Variants in POLR3GL observed in about 807,000 individuals in gnomAD.
POLR3GL encodes the protein DNA-directed RNA polymerase III subunit RPC7-like.
In POLR3GL, 26 loss-of-function variants were observed where a neutral mutation model predicts 32.4. That is an observed-to-expected ratio of 0.80 (90% CI 0.59 to 1.11). POLR3GL has a LOEUF of 1.11. POLR3GL is among the 50% of genes most tolerant of loss of function. The pLI, the probability that POLR3GL is intolerant of heterozygous loss-of-function variation, is 0.00. For synonymous variants in POLR3GL, 95 were observed against 98.7 expected (o/e 0.96, Z 0.22); for missense variants, 229 against 280.1 (o/e 0.82, Z 1.30).
intron 3 of POLR3GL, 104 bp downstream of exon 3, chr1:145,975,540 C>A: frequency 7.6e-7 from 1 of 1,308,554 alleles, no homozygotes; most frequent in Non-Finnish European, 1.1e-6. Flanking sequence ...TACTATCTAA[C>A]TGGGGAGATC....
At chr1:145,965,647 C>G (rs1021843675) in intron 1 of POLR3GL, among the ~76,000 whole-genome samples, 7 of 152,304 alleles carry the variant, frequency 4.6e-5, no homozygotes, top group Middle Eastern at 3.4e-3. Context: ...CTTACAAACC[C>G]TATGTAGTAA....
In POLR3GL at chr1:145,977,454, A is replaced by G. The variant is rs373915557; in HGVS notation, c.326-29A>G. The G allele has an allele frequency of 8.5e-5, 136 of 1,608,766 alleles. No homozygotes were observed. The African/African-American group carries it at 9.7e-4, about 12-fold the overall frequency. ...CACTGGAGACCCCAGGCAGGGTCCT[A>G]TTGACATTTACGTTCCCACTATTCC... On this transcript the variant is annotated intron_variant, in intron 4 of 7. Transcript: ENST00000369314.
chr1:145,965,274 C>T (rs1267984263), intron 1 of POLR3GL, among the ~76,000 whole-genome samples: 1 of 152,174 alleles, frequency 6.6e-6, no homozygotes, highest in Non-Finnish European at 1.5e-5. Flanking sequence ...GCCCAATAAA[C>T]GTTAGTTAAA....
At chr1:145,975,244 G>A (rs1000348265) in intron 2 of POLR3GL, 63 bp from the exon 3 acceptor site, 9 of 1,579,612 alleles carry the variant, frequency 5.7e-6, no homozygotes, top group African/African-American at 1.3e-5. Context: ...TTGGGAGGAG[G>A]GGTCTTCCTA....
chr1:145,976,048 G>A (rs1264181939), intron 3 of POLR3GL, among the ~76,000 whole-genome samples: 1 of 152,142 alleles, frequency 6.6e-6, no homozygotes, highest in Non-Finnish European at 1.5e-5. Context: ...GCTGACATGG[G>A]TGGATCACTT....
chr1:145,968,042 TC>T (rs1328628864), intron 1 of POLR3GL, among the ~76,000 whole-genome samples: 6 of 152,230 alleles, frequency 3.9e-5, no homozygotes, highest in Admixed American at 3.9e-4. Context: ...TTAGTGTTTT[TC>T]TGTATGTTTA....
chr1:145,978,079 G>A lies in POLR3GL; in HGVS notation c.553G>A (p.Glu185Lys). 6.2e-7 allele frequency: 1 copy of A among 1,601,680 alleles called. No homozygotes were observed. Among genetic ancestry groups the A allele is most frequent in the East Asian group, 2.2e-5 (1 of 44,674 alleles). ...KEEEEEEEYD[E>K]EEHEEETDYI... ...AGAGGAGGAAGAAGAAGAGTATGAT[G>A]AAGAAGAACATGAAGAGGTGAAGGG... Residue 185 changes from glutamate (E) to lysine (K), a missense_variant, in exon 7 of 8, where the codon GAA becomes AAA. Glu to Lys is a moderately conservative substitution (Grantham distance 56). Coordinates refer to ENST00000369314, the MANE Select transcript of POLR3GL (RefSeq NM_032305.3).
intron 3 of POLR3GL, among the ~76,000 whole-genome samples, chr1:145,975,971 A>AG (rs1650532062): frequency 7.9e-6 from 1 of 127,052 alleles, no homozygotes; most frequent in East Asian, 2.0e-4. Context: ...ACTAAGGGAC[A>AG]GAAAAAAAAA....
intron 3 of POLR3GL, 50 bp downstream of exon 3, chr1:145,975,486 C>T: frequency 1.3e-6 from 2 of 1,596,190 alleles, no homozygotes; most frequent in Non-Finnish European, 1.7e-6. Flanking sequence ...ATGGGGAGTG[C>T]CCTGTGCTCA....
rs782249867 is a variant in POLR3GL at position 145,974,976 on chromosome 1, T to TTCTCCACTCTTCCCTGTGAGTC, written c.121_126+16dup. 2.0e-6 allele frequency: 3 copies of TTCTCCACTCTTCCCTGTGAGTC among 1,516,572 alleles called. No homozygotes were observed. The highest frequency in any genetic ancestry group is 1.8e-6 in the Non-Finnish European group (2 of 1,136,664). The allele number at this position is 1,516,572 out of a possible 1,614,324, so 93.9% of individuals were successfully genotyped here. A position where few individuals can be genotyped will look rare whatever the true frequency, so the allele number is the denominator to read the frequency against. On this transcript the variant is annotated frameshift_variant, in exon 2 of 8. Coordinates refer to ENST00000369314, the MANE Select transcript of POLR3GL (RefSeq NM_032305.3). LOFTEE classifies it high-confidence loss of function. Reference sequence around the variant, plus strand: ...CTTTGCCCCCACCCACCCTGCAGCCTTCTCCACTCTTCCCTGTGAGTCTCT... The same window carrying TTCTCCACTCTTCCCTGTGAGTC: ...CTTTGCCCCCACCCACCCTGCAGCCTTCTCCACTCTTCCCTGTGAGTCTCTCCACTCTTCCCTGTGAGTCTCT...
rs1650486036 is a variant in POLR3GL, at chr1:145,975,007, C to T, written c.126+16C>T. 6.6e-7 allele frequency: 1 copy of T among 1,508,324 alleles called. No individual in the cohort carries two copies. The highest frequency in any genetic ancestry group is 1.4e-5 in the African/African-American group (1 of 70,824). 93.4% of individuals were successfully genotyped at this position (1,508,324 alleles called of 1,614,324 possible). A position where few individuals can be genotyped will look rare whatever the true frequency, so the allele number is the denominator to read the frequency against. On this transcript the variant is annotated intron_variant, in intron 2 of 7. Transcript: ENST00000369314. Reference sequence around the variant, plus strand: ...ACTCTTCCCTGTGAGTCTCTCCACTCCCTTCCCAGACTCTCATGTGCCCCT... The same window carrying T: ...ACTCTTCCCTGTGAGTCTCTCCACTTCCTTCCCAGACTCTCATGTGCCCCT...
intron 2 of POLR3GL, 76 bp downstream of exon 2, chr1:145,975,067 C>G: frequency 6.8e-7 from 1 of 1,480,086 alleles, no homozygotes; most frequent in South Asian, 1.4e-5. Flanking sequence ...TCCTCCTGGA[C>G]CATCATAAAA....
At chr1:145,972,944 C>G (rs906079117) in intron 1 of POLR3GL, among the ~76,000 whole-genome samples, 3 of 152,034 alleles carry the variant, frequency 2.0e-5, no homozygotes, top group Non-Finnish European at 4.4e-5. Context: ...AGTGATCTGC[C>G]CGCTCCAGCC....
At chr1:145,974,725 T>A in intron 1 of POLR3GL, 100 bp from the exon 2 acceptor site, 1 of 831,814 alleles carries the variant, frequency 1.2e-6, no homozygotes. Context: ...TGACATTAAC[T>A]TTTCATGTCC....
intron 3 of POLR3GL, 152 bp downstream of exon 3, chr1:145,975,588 T>C: frequency 1.2e-6 from 1 of 831,966 alleles, no homozygotes; most frequent in Non-Finnish European, 1.8e-6. Flanking sequence ...CATTATAGTA[T>C]TCATGGTTTG....
intron 1 of POLR3GL, among the ~76,000 whole-genome samples, 157 bp from the exon 2 acceptor site, chr1:145,974,668 G>C (rs1553763121): frequency 6.6e-6 from 1 of 152,100 alleles, no homozygotes; most frequent in African/African-American, 2.4e-5. Flanking sequence ...TATATTTCCA[G>C]AAATTCTCTC....
At chr1:145,971,406 AC>A (rs1650288151) in intron 1 of POLR3GL, among the ~76,000 whole-genome samples, 16 of 151,586 alleles carry the variant, frequency 1.1e-4, no homozygotes, top group Non-Finnish European at 2.1e-4. Flanking sequence ...CTCAGACTTT[AC>A]TGTTTTTGAT....
At chr1:145,974,303 C>T (rs942846425) in intron 1 of POLR3GL, among the ~76,000 whole-genome samples, 2 of 152,068 alleles carry the variant, frequency 1.3e-5, no homozygotes, top group Admixed American at 1.3e-4. Flanking sequence ...TGAATTGGGG[C>T]CTGGTCAGGT....
rs782520837 is a variant in POLR3GL at position 145,964,719 on chromosome 1, A to G, written c.-91A>G. ...CGCCACCGACTTGAGGAAGCCCAGT[A>G]CATTTCAAGTTGGTCGCGGCTTGGG... is the stretch of plus-strand genomic sequence containing the variant. On this transcript the variant is annotated 5_prime_UTR_variant, in exon 1 of 8. Coordinates refer to ENST00000369314, the MANE Select transcript of POLR3GL (RefSeq NM_032305.3). The G allele has an allele frequency of 6.6e-6, 1 of 152,264 alleles. No homozygotes were observed. The highest frequency in any genetic ancestry group is 1.5e-5 in the Non-Finnish European group (1 of 68,106). The allele number at this position is 152,264 out of a possible 1,614,324, so 9.4% of individuals were successfully genotyped here. A position where few individuals can be genotyped will look rare whatever the true frequency, so the allele number is the denominator to read the frequency against.
Sources: allele counts gnomAD v4.1 joint callset (sites outside exome capture counted in the v4.1 genomes callset), GRCh38; gene constraint gnomAD v4.1.1; transcripts MANE v1.5; gene names NCBI Gene and HGNC (gene_info 2026-07-23, HGNC 2026-07-21).